Variants in CRISPLD1 observed in about 807,000 individuals in gnomAD.
CRISPLD1 encodes the protein cysteine rich secretory protein LCCL domain containing 1.
A neutral mutation model predicts 77.5 loss-of-function variants in CRISPLD1; 60 were observed. The ratio of observed to expected loss-of-function variants is 0.77; its 90% CI spans 0.63 to 0.96. The LOEUF (loss-of-function observed/expected upper bound fraction) is 0.96, where lower values mean the gene tolerates loss of function less well. Among genes scored for constraint, CRISPLD1 ranks in the 40% least tolerant of loss-of-function variants. The probability of loss-of-function intolerance (pLI) is 0.00; values close to 1 mark genes in which losing one functional copy is unlikely to be tolerated. For missense variants in CRISPLD1, 623 were observed against 615.8 expected (o/e 1.01, Z -0.12); for synonymous variants, 195 against 200.1 (o/e 0.97, Z 0.22).
chr8:75,017,142 GAT>G, intron 9 of CRISPLD1, 29 bp downstream of exon 9: 1 of 1,572,248 alleles, frequency 6.4e-7, no homozygotes, highest in Non-Finnish European at 8.7e-7. Context: ...ATTATTTGAG[GAT>G]AGAGTCATTC....
At chr8:74,999,183 CAG>C (rs756406130) in intron 2 of CRISPLD1, among the ~76,000 whole-genome samples, 1 of 152,022 alleles carries the variant, frequency 6.6e-6, no homozygotes, top group African/African-American at 2.4e-5. Context: ...GACTTGTTAA[CAG>C]AATCAATAAG....
At chr8:74,999,060 T>G (rs1812691933) in intron 2 of CRISPLD1, among the ~76,000 whole-genome samples, 1 of 152,136 alleles carries the variant, frequency 6.6e-6, no homozygotes, top group Non-Finnish European at 1.5e-5. Context: ...ATCTAAATAA[T>G]GAAAATTATT....
chr8:74,985,523 C>T (rs1812482195), intron 1 of CRISPLD1, among the ~76,000 whole-genome samples: 1 of 152,164 alleles, frequency 6.6e-6, no homozygotes, highest in African/African-American at 2.4e-5. Flanking sequence ...TAAAACTCTT[C>T]ATAGAGAAAC....
chr8:75,021,284 G>A (rs1813131407), intron 12 of CRISPLD1, among the ~76,000 whole-genome samples: 1 of 152,286 alleles, frequency 6.6e-6, no homozygotes, highest in Middle Eastern at 3.4e-3. Context: ...TCATATAACA[G>A]AGTACTTCAT....
In CRISPLD1 at chr8:75,020,000, T is replaced by A; in HGVS notation, c.1172-7T>A. 1.9e-6 allele frequency: 3 copies of A among 1,614,068 alleles called. No homozygotes were observed. Among genetic ancestry groups the A allele is most frequent in the Non-Finnish European group, 2.5e-6 (3 of 1,179,910 alleles). On this transcript the variant is annotated splice_region_variant and splice_polypyrimidine_tract_variant and intron_variant, in intron 11 of 14. Transcript: ENST00000262207. ...TTCACTCATTGTTTTGTGTTTTAATTCTTCAGTTCAGGCTGTGACTTGTGA... is the reference window on the plus strand; with the variant it reads ...TTCACTCATTGTTTTGTGTTTTAATACTTCAGTTCAGGCTGTGACTTGTGA...
chr8:75,000,450 C>A (rs1434870026), intron 2 of CRISPLD1: 1 of 981,388 alleles, frequency 1.0e-6, no homozygotes, highest in East Asian at 1.1e-4. Context: ...TGCTATCTCA[C>A]ATGAACATCT....
chr8:74,999,796 ACTT>A (rs1812707434), intron 2 of CRISPLD1, among the ~76,000 whole-genome samples: 1 of 149,754 alleles, frequency 6.7e-6, no homozygotes, highest in African/African-American at 2.5e-5. Context: ...TTTACAAAGT[ACTT>A]ATAATACACA....
At position 74,984,811 on chromosome 8, in the gene CRISPLD1, C is replaced by G. The variant is rs1812471077; in HGVS notation, c.-172C>G. 1 of 152,296 alleles carries G rather than the reference C, an allele frequency of 6.6e-6. No individual in the cohort carries two copies. Among genetic ancestry groups the G allele is most frequent in the South Asian group, 2.1e-4 (1 of 4,840 alleles). The allele number at this position is 152,296 out of a possible 1,614,324, so 9.4% of individuals were successfully genotyped here. A position where few individuals can be genotyped will look rare whatever the true frequency, so the allele number is the denominator to read the frequency against. ...CCCCCGGACGCTCGGTGCTCAGGCC[C>G]TTCGCGAGCGGGGCTCTCCGTCTGC... On this transcript the variant is annotated 5_prime_UTR_variant, in exon 1 of 15. Transcript: ENST00000262207.
intron 14 of CRISPLD1, among the ~76,000 whole-genome samples, chr8:75,029,918 T>C (rs977660943): frequency 2.0e-5 from 3 of 152,190 alleles, no homozygotes; most frequent in Non-Finnish European, 4.4e-5. Context: ...AAAAACAATG[T>C]CTGATTTTCC....
intron 2 of CRISPLD1, among the ~76,000 whole-genome samples, chr8:75,002,205 T>G (rs1055386862): frequency 1.3e-5 from 2 of 151,862 alleles, no homozygotes; most frequent in African/African-American, 2.4e-5. Context: ...ATAGCAGTGA[T>G]TATCTTATTT....
At chr8:75,026,515 AG>A (rs1813238644) in intron 13 of CRISPLD1, 1 of 152,248 alleles carries the variant, frequency 6.6e-6, no homozygotes, top group Admixed American at 6.5e-5. Flanking sequence ...CGGAACGAAA[AG>A]GGGCTTCAAC....
chr8:74,995,020 T>G (rs1397599825), intron 2 of CRISPLD1, among the ~76,000 whole-genome samples: 2 of 152,090 alleles, frequency 1.3e-5, no homozygotes, highest in African/African-American at 2.4e-5. Context: ...GCAGTTAATA[T>G]ATGGAGGCCA....
At position 75,033,282 on chromosome 8, in the gene CRISPLD1, AAATT is replaced by A. The variant is rs561032029; in HGVS notation, c.*1044_*1047del. 4.7e-4 allele frequency: 71 copies of A among 152,538 alleles called. No individual in the cohort carries two copies. Among genetic ancestry groups the A allele is most frequent in the African/African-American group, 1.6e-3 (67 of 41,554 alleles). 9.4% of individuals were successfully genotyped at this position (152,538 alleles called of 1,614,324 possible). On this transcript the variant is annotated 3_prime_UTR_variant, in exon 15 of 15. Coordinates refer to ENST00000262207, the MANE Select transcript of CRISPLD1 (RefSeq NM_031461.6). ...TTTTTCTGCTGGTGGATAAACATTAAAATTAATCATGTTTCAAAGTTTTATTTTC... is the reference window on the plus strand; with the variant it reads ...TTTTTCTGCTGGTGGATAAACATTAAAATCATGTTTCAAAGTTTTATTTTC...
In CRISPLD1 at chr8:75,016,946, T is replaced by C. The variant is rs1239068499; in HGVS notation, c.929+5T>C. 3 of 1,526,964 alleles carry C rather than the reference T, an allele frequency of 2.0e-6. No individual in the cohort carries two copies. The highest frequency in any genetic ancestry group is 2.7e-6 in the Non-Finnish European group (3 of 1,127,670). The allele number at this position is 1,526,964 out of a possible 1,614,324, so 94.6% of individuals were successfully genotyped here. A position where few individuals can be genotyped will look rare whatever the true frequency, so the allele number is the denominator to read the frequency against. ...CAAAGGAACAACCTGCAATAGGTAA[T>C]ATTTGTTATTATTTTGAAAATTAAT... On this transcript the variant is annotated splice_donor_5th_base_variant and intron_variant, in intron 8 of 14. Transcript: ENST00000262207.
At chr8:75,016,197 G>A (rs1201888934) in intron 6 of CRISPLD1, among the ~76,000 whole-genome samples, 1 of 152,080 alleles carries the variant, frequency 6.6e-6, no homozygotes, top group South Asian at 2.1e-4. Flanking sequence ...TTAAGAATAT[G>A]ATTTTAATTG....
At chr8:75,013,050 T>TC in intron 4 of CRISPLD1, 28 bp downstream of exon 4, 2 of 1,478,056 alleles carry the variant, frequency 1.4e-6, no homozygotes, top group South Asian at 1.5e-5. Context: ...TATACTTAAT[T>TC]CCCCCAAATT....
intron 12 of CRISPLD1, among the ~76,000 whole-genome samples, chr8:75,023,754 T>C (rs1387994633): frequency 6.6e-6 from 1 of 151,594 alleles, no homozygotes; most frequent in African/African-American, 2.4e-5. Context: ...TTGTGTGTTT[T>C]CCAGTTTTAG....
chr8:75,009,090 T>G (rs982907601), intron 2 of CRISPLD1, among the ~76,000 whole-genome samples: 3 of 152,006 alleles, frequency 2.0e-5, no homozygotes, highest in Non-Finnish European at 2.9e-5. Context: ...TGAACTTGAG[T>G]AGAGGCCATG....
chr8:75,014,217 A>C, intron 5 of CRISPLD1, 115 bp downstream of exon 5: 1 of 680,540 alleles, frequency 1.5e-6, no homozygotes, highest in Non-Finnish European at 2.6e-6. Flanking sequence ...GTATTATTTT[A>C]ATTCTGTTTA....
Sources: gnomAD v4.1 joint callset for allele counts (sites outside exome capture counted in the v4.1 genomes callset) on GRCh38, gnomAD v4.1.1 for gene constraint, MANE v1.5 for transcripts, NCBI Gene and HGNC (gene_info 2026-07-23, HGNC 2026-07-21) for gene names.